Variants in COL8A1 observed in about 807,000 individuals in gnomAD.
COL8A1 encodes the protein collagen type VIII alpha 1 chain, also known as collagen alpha-1(VIII) chain.
A neutral mutation model predicts 42.7 loss-of-function variants in COL8A1; 21 were observed. That is an observed-to-expected ratio of 0.49 (90% CI 0.35 to 0.71). The LOEUF (loss-of-function observed/expected upper bound fraction) is 0.71, where lower values mean the gene tolerates loss of function less well. COL8A1 is among the 30% of genes least tolerant of loss of function. The pLI, the probability that COL8A1 is intolerant of heterozygous loss-of-function variation, is 0.01. For missense variants in COL8A1, 788 were observed against 962.4 expected, an observed-to-expected ratio of 0.82 and a Z score of 2.40; for synonymous variants, 367 against 369.1, an observed-to-expected ratio of 0.99 and a Z score of 0.06.
chr3:99,689,960 T>C (rs1331267687), intron 1 of COL8A1, among the ~76,000 whole-genome samples: 3 of 152,234 alleles, frequency 2.0e-5, no homozygotes, highest in African/African-American at 7.2e-5. Context: ...AAAATCTTCC[T>C]TTTTATTTTT....
chr3:99,753,615 A>C (rs571933047), intron 2 of COL8A1, among the ~76,000 whole-genome samples: 1 of 152,216 alleles, frequency 6.6e-6, no homozygotes, highest in African/African-American at 2.4e-5. Flanking sequence ...AAGAGACTAC[A>C]GAATGAAATG....
chr3:99,724,218 G>T (rs566353351), intron 1 of COL8A1, among the ~76,000 whole-genome samples: 2 of 152,072 alleles, frequency 1.3e-5, no homozygotes, highest in East Asian at 3.9e-4. Context: ...TCATTGGTTG[G>T]TCCTCCTATA....
intron 1 of COL8A1, among the ~76,000 whole-genome samples, chr3:99,663,683 A>G (rs1238347016): frequency 1.3e-5 from 2 of 152,170 alleles, no homozygotes; most frequent in Non-Finnish European, 2.9e-5. Context: ...ATACTAGAGG[A>G]AACAAACTAT....
At chr3:99,675,194 G>A (rs962674370) in intron 1 of COL8A1, among the ~76,000 whole-genome samples, 1 of 151,896 alleles carries the variant, frequency 6.6e-6, no homozygotes, top group Non-Finnish European at 1.5e-5. Flanking sequence ...TGACTGTCTT[G>A]GTGGGTATGA....
chr3:99,783,731 C>T lies in COL8A1; in HGVS notation c.-3-6949C>T, dbSNP rs527490898. 5.9e-5 allele frequency among the ~76,000 whole-genome samples: 9 copies of T among 152,268 alleles called. No homozygotes were observed. In the South Asian group the frequency reaches 6.2e-4, roughly 11 times the overall value. On this transcript the variant is annotated intron_variant, in intron 2 of 3. Transcript: ENST00000652472. ...ACAAGGTAGCAGGAGAGAGAGAGCA[C>T]GTGCGCGCAAGGTGCGGGGTTTGGG...
Position 99,795,411 on chromosome 3 carries a change from G to A in COL8A1, c.1510G>A (p.Gly504Ser), listed in dbSNP as rs752917899. The change falls in exon 4 of 4, where the codon GGC becomes AGC. Residue 504 changes from glycine to serine, a missense_variant. Coordinates refer to ENST00000652472, the MANE Select transcript of COL8A1 (RefSeq NM_020351.4). ...CCCCCCAGGTATCCCAGGGATTGGG[G>A]GCCCTAGTGGCCCCATTGGACCACC... ...QGPPGIPGIG[G>S]PSGPIGPPGI... 1 of 1,535,112 alleles carries A rather than the reference G, an allele frequency of 6.5e-7. No individual in the cohort carries two copies. The highest frequency in any genetic ancestry group is 2.1e-5 in the Admixed American group (1 of 47,496).
chr3:99,747,778 T>C (rs564872966), intron 2 of COL8A1, among the ~76,000 whole-genome samples: 15 of 152,338 alleles, frequency 9.8e-5, no homozygotes, highest in African/African-American at 3.1e-4. Flanking sequence ...TGGAATTTAC[T>C]TGTTACTGCC....
rs58406242 is a variant in COL8A1 at position 99,676,259 on chromosome 3, T to C, written c.-129+37595T>C. Among the ~76,000 whole-genome samples the C allele has an allele frequency of 9.2e-3, 1,400 of 152,238 alleles. 24 individuals carry two copies. The highest frequency in any genetic ancestry group is 0.032 in the African/African-American group (1,321 of 41,568). ...GAATTTGAAGATGAAATAACACCAA[T>C]TTCACACAACATTCCCAAAGAATAA... On this transcript the variant is annotated intron_variant, in intron 1 of 3. Transcript: ENST00000652472.
At chr3:99,667,463 C>A (rs977038715) in intron 1 of COL8A1, among the ~76,000 whole-genome samples, 14 of 152,216 alleles carry the variant, frequency 9.2e-5, no homozygotes, top group African/African-American at 3.4e-4. Flanking sequence ...TAGAGATTCC[C>A]TCAGATACAG....
chr3:99,791,257 A>G (rs1279198862), intron 3 of COL8A1, among the ~76,000 whole-genome samples: 1 of 152,254 alleles, frequency 6.6e-6, no homozygotes, highest in Non-Finnish European at 1.5e-5. Context: ...ATATTAAATC[A>G]CAAATAGTCT....
intron 2 of COL8A1, among the ~76,000 whole-genome samples, chr3:99,781,957 T>C (rs1941800837): frequency 6.6e-6 from 1 of 152,238 alleles, no homozygotes; most frequent in Non-Finnish European, 1.5e-5. Context: ...CCCTTTCCAA[T>C]GTGCATACTT....
intron 1 of COL8A1, among the ~76,000 whole-genome samples, chr3:99,709,928 A>G (rs973242945): frequency 1.3e-5 from 2 of 152,168 alleles, no homozygotes; most frequent in East Asian, 1.9e-4. Context: ...CCTTCTTCTC[A>G]TGTGTGAGGA....
intron 1 of COL8A1, among the ~76,000 whole-genome samples, chr3:99,684,740 G>A (rs1938996618): frequency 6.6e-6 from 1 of 152,122 alleles, no homozygotes; most frequent in African/African-American, 2.4e-5. Context: ...TTCTGAACGG[G>A]AATTGTGCTT....
chr3:99,662,975 T>C (rs1186409839), intron 1 of COL8A1, among the ~76,000 whole-genome samples: 1 of 152,122 alleles, frequency 6.6e-6, no homozygotes, highest in African/African-American at 2.4e-5. Flanking sequence ...TTCTCAAAGA[T>C]ATCATGTTTT....
intron 2 of COL8A1, among the ~76,000 whole-genome samples, chr3:99,782,959 G>T (rs945935612): frequency 1.4e-4 from 22 of 151,836 alleles, no homozygotes; most frequent in African/African-American, 5.3e-4. Context: ...TTTCCCAAGT[G>T]TTTTATAAAC....
chr3:99,730,553 C>T lies in COL8A1; in HGVS notation c.-128-14344C>T, dbSNP rs146120970. ...CATGCACTCAATGGAGTCATTAAGA[C>T]GTCTCATTCTGGAGGCTTGTATTAA... On this transcript the variant is annotated intron_variant, in intron 1 of 3. Coordinates refer to ENST00000652472, the MANE Select transcript of COL8A1 (RefSeq NM_020351.4). Among the ~76,000 whole-genome samples, 680 of 152,158 alleles carry T rather than the reference C, an allele frequency of 4.5e-3. 6 individuals carry two copies. Among genetic ancestry groups the T allele is most frequent in the African/African-American group, 0.015 (636 of 41,548 alleles).
At chr3:99,654,655 G>A (rs1382081383) in intron 1 of COL8A1, among the ~76,000 whole-genome samples, 2 of 151,984 alleles carry the variant, frequency 1.3e-5, no homozygotes, top group African/African-American at 4.8e-5. Flanking sequence ...AGGTGTGGTG[G>A]TGCATGCCTG....
intron 1 of COL8A1, among the ~76,000 whole-genome samples, chr3:99,706,236 T>C (rs570798058): frequency 6.6e-6 from 1 of 152,334 alleles, no homozygotes; most frequent in African/African-American, 2.4e-5. Context: ...AAAATAGTGA[T>C]AGTGTGAACT....
At position 99,739,210 on chromosome 3, in the gene COL8A1, A is replaced by G. The variant is rs572260305; in HGVS notation, c.-128-5687A>G. On this transcript the variant is annotated intron_variant, in intron 1 of 3. Coordinates refer to ENST00000652472, the MANE Select transcript of COL8A1 (RefSeq NM_020351.4). ...CTGCATTGCTCACGCTGGGAGCTGTAGACCAGAGCTGTTCCTATTCGGCCA... is the reference window on the plus strand; with the variant it reads ...CTGCATTGCTCACGCTGGGAGCTGTGGACCAGAGCTGTTCCTATTCGGCCA... 2.6e-4 allele frequency among the ~76,000 whole-genome samples: 39 copies of G among 152,352 alleles called. 1 individual carries two copies. In the South Asian group the frequency reaches 7.9e-3, roughly 31 times the overall value.
Sources: allele counts gnomAD v4.1 joint callset (sites outside exome capture counted in the v4.1 genomes callset), GRCh38; gene constraint gnomAD v4.1.1; transcripts MANE v1.5; gene names NCBI Gene and HGNC (gene_info 2026-07-23, HGNC 2026-07-21).